The following DTNBP1 variants were observed in gnomAD, a reference collection of about 807,000 sequenced individuals.
DTNBP1 encodes dysbindin.
A neutral mutation model predicts 42.8 loss-of-function variants in DTNBP1; 35 were observed. The ratio of observed to expected loss-of-function variants is 0.82; its 90% CI spans 0.63 to 1.09. The LOEUF is 1.09. Ranked by LOEUF, DTNBP1 falls within the 50% of genes least tolerant of loss-of-function variation. DTNBP1 has a pLI of 0.00. For missense variants in DTNBP1, 457 were observed against 424.2 expected, an observed-to-expected ratio of 1.08 and a Z score of -0.68; for synonymous variants, 171 against 162.2, an observed-to-expected ratio of 1.05 and a Z score of -0.41.
At position 15,624,438 on chromosome 6, in the gene DTNBP1, A is replaced by G. The variant is rs1260835247; in HGVS notation, c.355+2905T>C. Among the ~76,000 whole-genome samples, 3 of 152,328 alleles carry G rather than the reference A, an allele frequency of 2.0e-5. No individual in the cohort carries two copies. In the East Asian group the frequency reaches 5.8e-4, roughly 29 times the overall value. ...ATGGATCATCTGTTGTAACTTAACA[A>G]TTCCCAAGGGGCTAGGTACCAGGAG... On this transcript the variant is annotated intron_variant, in intron 5 of 9. Coordinates refer to ENST00000344537, the MANE Select transcript of DTNBP1 (RefSeq NM_032122.5).
rs955702203 is a variant in DTNBP1 at position 15,524,625 on chromosome 6, G to C, written c.712C>G (p.Leu238Val). Residue 238 changes from leucine to valine, a missense_variant, in exon 9 of 10, where the codon CTG becomes GTG. Coordinates refer to ENST00000344537, the MANE Select transcript of DTNBP1 (RefSeq NM_032122.5). Reference sequence around the variant, plus strand: ...ATGTCCATCAGGTCCATCTGCTCCAGCATGTCCACGTTCACTTCCATGGAT... The same window carrying C: ...ATGTCCATCAGGTCCATCTGCTCCACCATGTCCACGTTCACTTCCATGGAT... ...MSSMEVNVDMLEQMDLMDISD... is the reference protein window; with the variant it reads ...MSSMEVNVDMVEQMDLMDISD... The C allele has an allele frequency of 1.9e-6, 3 of 1,613,720 alleles. No homozygotes were observed. The African/African-American group carries it at 4.0e-5, about 22-fold the overall frequency.
chr6:15,601,471 TAATA>T (rs769403106), intron 6 of DTNBP1, among the ~76,000 whole-genome samples: 2 of 152,218 alleles, frequency 1.3e-5, no homozygotes, highest in South Asian at 4.1e-4. Flanking sequence ...TGGGATCAAC[TAATA>T]AATTCTCAAA....
At chr6:15,653,190 TAAA>T (rs1761110029) in intron 1 of DTNBP1, among the ~76,000 whole-genome samples, 1 of 152,224 alleles carries the variant, frequency 6.6e-6, no homozygotes. Context: ...CTTCTTTCAT[TAAA>T]GAGGATTTTG....
rs866216736 is a variant in DTNBP1 at position 15,642,750 on chromosome 6, C to T, written c.162-4946G>A. 2.6e-5 allele frequency among the ~76,000 whole-genome samples: 4 copies of T among 152,134 alleles called. No homozygotes were observed. In the South Asian group the frequency reaches 8.3e-4, roughly 32 times the overall value. On this transcript the variant is annotated intron_variant, in intron 3 of 9. Coordinates refer to ENST00000344537, the MANE Select transcript of DTNBP1 (RefSeq NM_032122.5). Reference sequence around the variant, plus strand: ...ATAGCATTTGGCTCTGTGGAAGCACCCAGAAACAAAGGCAAATGATAATAC... The same window carrying T: ...ATAGCATTTGGCTCTGTGGAAGCACTCAGAAACAAAGGCAAATGATAATAC...
At chr6:15,572,672 G>C (rs1775387408) in intron 7 of DTNBP1, among the ~76,000 whole-genome samples, 1 of 152,186 alleles carries the variant, frequency 6.6e-6, no homozygotes, top group Non-Finnish European at 1.5e-5. Flanking sequence ...GGCTCAGAGA[G>C]GTGAGATAAC....
At chr6:15,531,695 G>A (rs185309269) in intron 8 of DTNBP1, among the ~76,000 whole-genome samples, 4 of 152,188 alleles carry the variant, frequency 2.6e-5, no homozygotes, top group South Asian at 2.1e-4. Flanking sequence ...GTGCAGTGGC[G>A]CGATCTCAGC....
intron 7 of DTNBP1, among the ~76,000 whole-genome samples, chr6:15,569,644 C>T (rs973476814): frequency 2.0e-5 from 3 of 152,184 alleles, no homozygotes; most frequent in African/African-American, 7.2e-5. Context: ...AGGGTCACAC[C>T]GGCTTCTGCT....
chr6:15,612,984 G>T (rs1758498465), intron 6 of DTNBP1, among the ~76,000 whole-genome samples: 1 of 152,040 alleles, frequency 6.6e-6, no homozygotes, highest in African/African-American at 2.4e-5. Flanking sequence ...GAAATGCCCT[G>T]GGTCACAAGG....
chr6:15,603,198 AT>A (rs900979590), intron 6 of DTNBP1, among the ~76,000 whole-genome samples: 1 of 152,246 alleles, frequency 6.6e-6, no homozygotes, highest in African/African-American at 2.4e-5. Flanking sequence ...GTGATTACAC[AT>A]TTATGAAGCC....
intron 7 of DTNBP1, among the ~76,000 whole-genome samples, chr6:15,585,355 T>A (rs906524284): frequency 1.3e-5 from 2 of 151,680 alleles, no homozygotes; most frequent in African/African-American, 4.8e-5. Flanking sequence ...ATTTTCCTGG[T>A]ATTTTATATT....
At chr6:15,636,967 A>G (rs1325585252) in intron 4 of DTNBP1, among the ~76,000 whole-genome samples, 1 of 152,192 alleles carries the variant, frequency 6.6e-6, no homozygotes, top group Non-Finnish European at 1.5e-5. Flanking sequence ...CAAAGTATCT[A>G]TTCTGCCTTA....
At chr6:15,524,441 G>A (rs1253978956) in intron 9 of DTNBP1, 85 bp downstream of exon 9, 1 of 1,614,132 alleles carries the variant, frequency 6.2e-7, no homozygotes, top group Non-Finnish European at 8.5e-7. Flanking sequence ...GTAAGTGACT[G>A]GCAGATGGTT....
chr6:15,585,459 A>G (rs1445064269), intron 7 of DTNBP1, among the ~76,000 whole-genome samples: 8 of 151,768 alleles, frequency 5.3e-5, no homozygotes, highest in Admixed American at 2.0e-4. Flanking sequence ...AAAAAAAAAA[A>G]GTCCTACATT....
rs996936399 is a variant in DTNBP1, at chr6:15,587,068, T to C, written c.511+5991A>G. 3.9e-5 allele frequency among the ~76,000 whole-genome samples: 6 copies of C among 152,154 alleles called. No homozygotes were observed. Among genetic ancestry groups the C allele is most frequent in the Admixed American group, 3.9e-4 (6 of 15,270 alleles). ...CCTACATGCTGGCTACTCTCAAATC[T>C]AGCTCAGATCCTTCTCCTGAGGTTC... On this transcript the variant is annotated intron_variant, in intron 7 of 9. Transcript: ENST00000344537. The surrounding 1 kb of genome is among the most constrained non-coding windows in gnomAD (Gnocchi z 4.1).
Position 15,651,309 on chromosome 6 carries a change from T to A in DTNBP1, c.161+4A>T. The A allele has an allele frequency of 6.2e-7, 1 of 1,611,600 alleles. No homozygotes were observed. Among genetic ancestry groups the A allele is most frequent in the Non-Finnish European group, 8.5e-7 (1 of 1,179,448 alleles). On this transcript the variant is annotated splice_donor_region_variant and intron_variant, in intron 3 of 9. Transcript: ENST00000344537. The stretch of plus-strand genomic sequence containing the variant: ...TAACCTTCCTCTACAAATGAAACAC[T>A]TACCTGCTAAGTAATTCTAATCCAG...
chr6:15,540,808 A>T (rs926349811), intron 7 of DTNBP1, among the ~76,000 whole-genome samples: 1 of 151,970 alleles, frequency 6.6e-6, no homozygotes, highest in African/African-American at 2.4e-5. Context: ...CTGCCAGCTA[A>T]TTTTTTTGTA....
At chr6:15,545,605 C>T (rs970195925) in intron 7 of DTNBP1, among the ~76,000 whole-genome samples, 33 of 151,684 alleles carry the variant, frequency 2.2e-4, no homozygotes, top group African/African-American at 8.0e-4. Flanking sequence ...AGTTTTTTTG[C>T]AGATAGTCAG....
Position 15,523,273 on chromosome 6 carries a change from G to C in DTNBP1, c.812-54C>G, listed in dbSNP as rs1772045206. ...CCTGTCATAAAAATATTGTGAATCA[G>C]AATTGCCGCCAACAGCTGTGGAATG... On this transcript the variant is annotated intron_variant, in intron 9 of 9. Transcript: ENST00000344537. 2.5e-6 allele frequency: 4 copies of C among 1,608,624 alleles called. No individual in the cohort carries two copies. In the East Asian group the frequency reaches 8.9e-5, roughly 36 times the overall value.
intron 7 of DTNBP1, among the ~76,000 whole-genome samples, chr6:15,584,091 A>C (rs1048687332): frequency 3.9e-5 from 6 of 152,170 alleles, no homozygotes; most frequent in African/African-American, 1.4e-4. Context: ...CAGGATATAG[A>C]TACTAACTTT....
Sources: allele counts gnomAD v4.1 joint callset (sites outside exome capture counted in the v4.1 genomes callset), GRCh38; gene constraint gnomAD v4.1.1; non-coding constraint Gnocchi (gnomAD v3.1); transcripts MANE v1.5; gene names NCBI Gene and HGNC (gene_info 2026-07-23, HGNC 2026-07-21).